GPHN: variants seen among roughly 807,000 people sequenced by gnomAD.
The protein encoded by GPHN is gephyrin.
GPHN carries 17 observed loss-of-function variants against 95.5 expected under a neutral mutation model. That is an observed-to-expected ratio of 0.18 (90% CI 0.12 to 0.27). The LOEUF (loss-of-function observed/expected upper bound fraction) is 0.27, where lower values mean the gene tolerates loss of function less well. Ranked by LOEUF, GPHN falls within the 10% of genes least tolerant of loss-of-function variation. The pLI is 1.00. For missense variants in GPHN, 660 were observed against 978.1 expected (o/e 0.67, Z 4.34); for synonymous variants, 320 against 322.5 (o/e 0.99, Z 0.08).
chr14:67,065,093 C>T (rs889426162), intron 11 of GPHN, among the ~76,000 whole-genome samples: 5 of 152,222 alleles, frequency 3.3e-5, no homozygotes, highest in Non-Finnish European at 7.3e-5. Context: ...TCCCTCTACA[C>T]ACTGCTTTAA....
chr14:66,516,691 A>G (rs927130788), intron 1 of GPHN, among the ~76,000 whole-genome samples: 1 of 152,252 alleles, frequency 6.6e-6, no homozygotes, highest in African/African-American at 2.4e-5. Context: ...TATGAGTGAA[A>G]GAGATTAAGT....
intron 3 of GPHN, among the ~76,000 whole-genome samples, chr14:66,790,126 T>G (rs925986919): frequency 6.6e-6 from 1 of 152,186 alleles, no homozygotes; most frequent in African/African-American, 2.4e-5. Flanking sequence ...TTAATTAAGC[T>G]TTTAACCATA....
the GPHN span, among the ~76,000 whole-genome samples, chr14:67,272,560 A>G: frequency 6.6e-6 from 1 of 152,100 alleles, no homozygotes; most frequent in Non-Finnish European, 1.5e-5. Flanking sequence ...TCCTACTCCT[A>G]TGACTTCTTT....
At chr14:67,225,971 GCGCGTGCGCA>G in the GPHN span, among the ~76,000 whole-genome samples, 2 of 145,666 alleles carry the variant, frequency 1.4e-5, no homozygotes, top group African/African-American at 5.4e-5. Flanking sequence ...GTGCGCGCGC[GCGCGTGCGCA>G]TGCGCGTGCA....
At chr14:67,504,778 G>A in the GPHN span, among the ~76,000 whole-genome samples, 11 of 152,052 alleles carry the variant, frequency 7.2e-5, no homozygotes, top group South Asian at 4.2e-4. Context: ...CCAGCTACTC[G>A]GGAGTCTGAG....
intron 8 of GPHN, among the ~76,000 whole-genome samples, chr14:66,942,291 C>T (rs905503425): frequency 3.3e-5 from 5 of 152,206 alleles, no homozygotes; most frequent in Admixed American, 6.5e-5. Context: ...GGATTACAGG[C>T]GTGAGCCACC....
intron 8 of GPHN, among the ~76,000 whole-genome samples, chr14:66,961,902 A>ATATATATATATATATG (rs2068938310): frequency 2.4e-5 from 1 of 41,768 alleles, no homozygotes; most frequent in Non-Finnish European, 7.6e-5. Flanking sequence ...CTGAATGTGT[A>ATATATATATATATATG]TATATATATA....
intron 2 of GPHN, among the ~76,000 whole-genome samples, chr14:66,776,033 G>A (rs1249735177): frequency 2.6e-5 from 4 of 152,112 alleles, no homozygotes; most frequent in African/African-American, 7.2e-5. Flanking sequence ...GGAAGGAAGG[G>A]CAGAAATATG....
chr14:66,571,639 C>T (rs968221178), intron 1 of GPHN, among the ~76,000 whole-genome samples: 6 of 152,008 alleles, frequency 3.9e-5, no homozygotes, highest in South Asian at 4.2e-4. Flanking sequence ...GGTGAAACCG[C>T]GTCTCTACTA....
intron 4 of GPHN, among the ~76,000 whole-genome samples, chr14:66,856,022 T>C (rs2062789255): frequency 6.6e-6 from 1 of 152,132 alleles, no homozygotes; most frequent in Non-Finnish European, 1.5e-5. Flanking sequence ...CAGGTATCTT[T>C]TATATCCAAA....
At position 67,110,266 on chromosome 14, in the gene GPHN, C is replaced by T. The variant is rs1220673329; in HGVS notation, c.1413+7C>T. Reference sequence around the variant, plus strand: ...TATCAGGGAATCAGATGATGTACGTCATCACCAAGTCTTACTGTGCTGTTG... The same window carrying T: ...TATCAGGGAATCAGATGATGTACGTTATCACCAAGTCTTACTGTGCTGTTG... On this transcript the variant is annotated splice_region_variant and intron_variant, in intron 14 of 22. Transcript: ENST00000478722. 1.2e-6 allele frequency: 2 copies of T among 1,613,174 alleles called. No individual in the cohort carries two copies. The highest frequency in any genetic ancestry group is 4.5e-5 in the East Asian group (2 of 44,886).
chr14:67,243,489 A>ATTTT, the GPHN span, among the ~76,000 whole-genome samples: 96 of 100,270 alleles, frequency 9.6e-4, 2 homozygotes, highest in Non-Finnish European at 1.4e-3. Flanking sequence ...CCAGAATATA[A>ATTTT]TTTTTTTTTT....
the GPHN span, among the ~76,000 whole-genome samples, chr14:67,564,554 C>T: frequency 0.078 from 11,888 of 152,132 alleles, 517 homozygotes; most frequent in African/African-American, 0.11. Flanking sequence ...GCCTCCTGGG[C>T]TCAAGCAATC....
chr14:67,017,621 T>C (rs1338869111), intron 9 of GPHN, among the ~76,000 whole-genome samples: 2 of 152,096 alleles, frequency 1.3e-5, no homozygotes, highest in African/African-American at 2.4e-5. Context: ...CCATGTAAGA[T>C]ATAAAACATC....
chr14:67,346,551 G>A, the GPHN span, among the ~76,000 whole-genome samples: 54 of 152,342 alleles, frequency 3.5e-4, no homozygotes, highest in Non-Finnish European at 5.1e-4. Context: ...CTGGGCTAAG[G>A]TGATCCACCT....
At chr14:67,381,491 T>C in the GPHN span, 1 of 839,216 alleles carries the variant, frequency 1.2e-6, no homozygotes, top group Non-Finnish European at 1.9e-6. Context: ...GGATTCAGTA[T>C]AAGTATTTGA....
the GPHN span, among the ~76,000 whole-genome samples, chr14:67,258,444 G>A: frequency 6.6e-6 from 1 of 152,186 alleles, no homozygotes; most frequent in Admixed American, 6.5e-5. Flanking sequence ...ATTGAGGCAG[G>A]AGGATTGCAA....
the GPHN span, chr14:67,336,684 A>T: frequency 2.2e-6 from 1 of 455,596 alleles, no homozygotes; most frequent in Admixed American, 2.4e-5. Flanking sequence ...GACTTGTCAA[A>T]GTCTCAATTT....
At chr14:67,239,347 T>G in the GPHN span, among the ~76,000 whole-genome samples, 1 of 152,298 alleles carries the variant, frequency 6.6e-6, no homozygotes, top group South Asian at 2.1e-4. Flanking sequence ...GGAGACATTT[T>G]TGATTGTCAC....
Sources: gnomAD v4.1 joint callset for allele counts (sites outside exome capture counted in the v4.1 genomes callset) on GRCh38, gnomAD v4.1.1 for gene constraint, MANE v1.5 for transcripts, NCBI Gene and HGNC (gene_info 2026-07-23, HGNC 2026-07-21) for gene names.